AAK1: variants seen among roughly 807,000 people sequenced by gnomAD.
The protein encoded by AAK1 is AP2 associated kinase 1.
In AAK1, 37 loss-of-function variants were observed where a neutral mutation model predicts 116.0. That is an observed-to-expected ratio of 0.32 (90% CI 0.25 to 0.42). The LOEUF is 0.42. Among genes scored for constraint, AAK1 ranks in the 10% least tolerant of loss-of-function variants. The pLI is 1.00. For missense variants in AAK1, 919 were observed against 1,170.6 expected (o/e 0.79, Z 3.14); for synonymous variants, 458 against 439.9 (o/e 1.04, Z -0.51).
intron 2 of AAK1, among the ~76,000 whole-genome samples, chr2:69,636,678 A>G (rs1675459867): frequency 6.6e-6 from 1 of 151,722 alleles, no homozygotes; most frequent in Non-Finnish European, 1.5e-5. Flanking sequence ...ATGAACTGCT[A>G]TTTTAGATAA....
intron 7 of AAK1, 24 bp downstream of exon 7, chr2:69,530,600 TA>T (rs1443311878): frequency 6.3e-7 from 1 of 1,586,698 alleles, no homozygotes; most frequent in Non-Finnish European, 8.7e-7. Flanking sequence ...CTATCTGAGG[TA>T]TGGATAGGTT....
At chr2:69,526,983 C>T (rs993671245) in intron 9 of AAK1, among the ~76,000 whole-genome samples, 4 of 152,178 alleles carry the variant, frequency 2.6e-5, no homozygotes, top group African/African-American at 9.7e-5. Context: ...GCGTCCAACT[C>T]AATCCCTAGG....
At position 69,471,477 on chromosome 2, in the gene AAK1, C is replaced by G. The variant is rs1223647921; in HGVS notation, c.*4392G>C. The G allele has an allele frequency of 6.1e-6, 6 of 985,438 alleles. No homozygotes were observed. The highest frequency in any genetic ancestry group is 7.2e-6 in the Non-Finnish European group (6 of 829,936). 61.0% of individuals were successfully genotyped at this position (985,438 alleles called of 1,614,324 possible). On this transcript the variant is annotated 3_prime_UTR_variant, in exon 22 of 22. Transcript: ENST00000409085. ...AGGAATAAAGATAGCTTTGCAGTAT[C>G]TGGAGTGTTTCAGGAAAGCTTCCAT...
chr2:69,624,750 C>G (rs1321211824), intron 2 of AAK1, among the ~76,000 whole-genome samples: 8 of 152,154 alleles, frequency 5.3e-5, no homozygotes, highest in Admixed American at 5.2e-4. Context: ...TCCAGCAGAG[C>G]CCTACTGAGA....
At chr2:69,609,186 A>AC (rs1673948159) in intron 2 of AAK1, among the ~76,000 whole-genome samples, 1 of 151,904 alleles carries the variant, frequency 6.6e-6, no homozygotes, top group African/African-American at 2.4e-5. Context: ...ACATAGTGGA[A>AC]CCCCATCTCT....
rs1674715398 is a variant in AAK1, at chr2:69,472,556, A to G, written c.*3313T>C. Reference sequence around the variant, plus strand: ...TGATATGTCTGCTAAAGAAATCATTAATTATAATAATTATAATCATACTTA... The same window carrying G: ...TGATATGTCTGCTAAAGAAATCATTGATTATAATAATTATAATCATACTTA... On this transcript the variant is annotated 3_prime_UTR_variant, in exon 22 of 22. Transcript: ENST00000409085. 2 of 894,940 alleles carry G rather than the reference A, an allele frequency of 2.2e-6. No homozygotes were observed. Among genetic ancestry groups the G allele is most frequent in the African/African-American group, 1.8e-5 (1 of 55,404 alleles). 55.4% of individuals were successfully genotyped at this position (894,940 alleles called of 1,614,324 possible).
chr2:69,515,838 CAA>C lies in AAK1; in HGVS notation c.1498-1091_1498-1090del, dbSNP rs35966417. Among the ~76,000 whole-genome samples, 338 of 145,732 alleles carry C rather than the reference CAA, an allele frequency of 2.3e-3. 8 individuals carry two copies. The highest frequency in any genetic ancestry group is 1.0e-3 in the Non-Finnish European group (66 of 66,286). On this transcript the variant is annotated intron_variant, in intron 12 of 21. Coordinates refer to ENST00000409085, the MANE Select transcript of AAK1 (RefSeq NM_014911.5). ...AAAGGGTTAACAAATTAGAAGATGTCAAAAAAAAAAAATAGCTGCCTACTTAT... is the reference window on the plus strand; with the variant it reads ...AAAGGGTTAACAAATTAGAAGATGTCAAAAAAAAAATAGCTGCCTACTTAT...
Position 69,470,980 on chromosome 2 carries a change from A to G in AAK1, c.*4889T>C. ...ATGTTTACATAAGAAAGTTCTTTAC[A>G]GACTTTTTTTTATACAATACTTGTG... On this transcript the variant is annotated 3_prime_UTR_variant, in exon 22 of 22. Transcript: ENST00000409085. The G allele has an allele frequency of 1.0e-6, 1 of 985,882 alleles. No homozygotes were observed. The highest frequency in any genetic ancestry group is 1.2e-6 in the Non-Finnish European group (1 of 829,924). The allele number at this position is 985,882 out of a possible 1,614,324, so 61.1% of individuals were successfully genotyped here. A position where few individuals can be genotyped will look rare whatever the true frequency, so the allele number is the denominator to read the frequency against.
At chr2:69,577,398 C>G (rs572397308) in intron 2 of AAK1, among the ~76,000 whole-genome samples, 9 of 152,280 alleles carry the variant, frequency 5.9e-5, no homozygotes, top group South Asian at 2.1e-4. Flanking sequence ...TCTGACCCCA[C>G]GTACTTAAGA....
chr2:69,467,615 G>A lies in AAK1; in HGVS notation c.*8254C>T. The A allele has an allele frequency of 1.0e-6, 1 of 985,316 alleles. No homozygotes were observed. The highest frequency in any genetic ancestry group is 4.7e-5 in the South Asian group (1 of 21,282). 61.0% of individuals were successfully genotyped at this position (985,316 alleles called of 1,614,324 possible). ...CCAGGATAAGAATATTAGATACAAT[G>A]ATTTGGAGCCATAGATGACCCAGAA... is the stretch of plus-strand genomic sequence containing the variant. On this transcript the variant is annotated 3_prime_UTR_variant, in exon 22 of 22. Coordinates refer to ENST00000409085, the MANE Select transcript of AAK1 (RefSeq NM_014911.5).
chr2:69,599,767 T>C (rs975180584), intron 2 of AAK1, among the ~76,000 whole-genome samples: 2 of 151,610 alleles, frequency 1.3e-5, no homozygotes, highest in African/African-American at 2.4e-5. Context: ...CAGTCTGCAA[T>C]GTGTGTGTGT....
intron 2 of AAK1, among the ~76,000 whole-genome samples, chr2:69,626,822 C>T (rs1269057155): frequency 2.0e-5 from 3 of 151,916 alleles, no homozygotes; most frequent in Non-Finnish European, 4.4e-5. Context: ...TTTAATTTTA[C>T]TTAGGATTTA....
chr2:69,565,795 G>A (rs1425693056), intron 2 of AAK1, among the ~76,000 whole-genome samples: 1 of 151,862 alleles, frequency 6.6e-6, no homozygotes, highest in African/African-American at 2.4e-5. Flanking sequence ...ATTCAGGTGG[G>A]AGAGTGTCCT....
Position 69,472,310 on chromosome 2 carries a change from G to C in AAK1, c.*3559C>G. Reference sequence around the variant, plus strand: ...AGAACCAAGAGTAGTAGAAAAAGTAGACAAAGAAAGAATATACTTCCAGGT... The same window carrying C: ...AGAACCAAGAGTAGTAGAAAAAGTACACAAAGAAAGAATATACTTCCAGGT... On this transcript the variant is annotated 3_prime_UTR_variant, in exon 22 of 22. Transcript: ENST00000409085. 2.9e-6 allele frequency: 1 copy of C among 342,192 alleles called. No individual in the cohort carries two copies. Among genetic ancestry groups the C allele is most frequent in the Non-Finnish European group, 4.1e-6 (1 of 242,092 alleles). The allele number at this position is 342,192 out of a possible 1,614,324, so 21.2% of individuals were successfully genotyped here.
intron 2 of AAK1, among the ~76,000 whole-genome samples, chr2:69,606,488 T>TTGAA (rs201915200): frequency 0.031 from 4,744 of 152,190 alleles, 92 homozygotes; most frequent in Middle Eastern, 0.044. Context: ...CAGCAACTTC[T>TTGAA]TGAATGAATG....
At chr2:69,634,033 G>A (rs1675339014) in intron 2 of AAK1, among the ~76,000 whole-genome samples, 1 of 152,172 alleles carries the variant, frequency 6.6e-6, no homozygotes, top group African/African-American at 2.4e-5. Flanking sequence ...AGCTGGGTGT[G>A]GTGGCACATG....
chr2:69,494,452 C>T (rs1675659878), intron 17 of AAK1, among the ~76,000 whole-genome samples: 1 of 152,182 alleles, frequency 6.6e-6, no homozygotes. Flanking sequence ...CATCCTCTGC[C>T]CTGTGCAAAG....
At chr2:69,584,439 AG>A (rs1672679444) in intron 2 of AAK1, among the ~76,000 whole-genome samples, 1 of 152,222 alleles carries the variant, frequency 6.6e-6, no homozygotes, top group African/African-American at 2.4e-5. Context: ...TAAGAGTATA[AG>A]AAAGTCAGAG....
intron 2 of AAK1, among the ~76,000 whole-genome samples, chr2:69,632,850 G>T (rs1013438285): frequency 6.6e-6 from 1 of 152,024 alleles, no homozygotes; most frequent in Non-Finnish European, 1.5e-5. Flanking sequence ...TGGCTATCAC[G>T]GTGAAACCCC....
Sources: allele counts gnomAD v4.1 joint callset (sites outside exome capture counted in the v4.1 genomes callset), GRCh38; gene constraint gnomAD v4.1.1; transcripts MANE v1.5; gene names NCBI Gene and HGNC (gene_info 2026-07-23, HGNC 2026-07-21).